PRKX: variants seen among roughly 807,000 people sequenced by gnomAD.
The protein encoded by PRKX is protein kinase cAMP-dependent X-linked catalytic subunit.
Under a neutral mutation model 22.0 loss-of-function variants are expected in PRKX, and 12 were observed. The ratio of observed to expected loss-of-function variants is 0.54; its 90% CI spans 0.35 to 0.88. The LOEUF (loss-of-function observed/expected upper bound fraction) is 0.88. Ranked by LOEUF, PRKX falls within the 40% of genes least tolerant of loss-of-function variation. PRKX has a pLI of 0.01. For synonymous variants in PRKX, 134 were observed against 137.7 expected (o/e 0.97, Z 0.19); for missense variants, 217 against 308.0 (o/e 0.70, Z 2.21).
At chrX:3,688,882 A>T (rs1275329904) in intron 1 of PRKX, among the ~76,000 whole-genome samples, 1 of 109,027 alleles carries the variant, frequency 9.2e-6, no homozygotes, top group African/African-American at 3.3e-5. Context: ...TAAAAAAAAA[A>T]AAAAAAAGTG....
At chrX:3,697,323 G>A (rs1397233567) in intron 1 of PRKX, among the ~76,000 whole-genome samples, 3 of 104,334 alleles carry the variant, frequency 2.9e-5, no homozygotes, top group Non-Finnish European at 4.0e-5. Context: ...CTATGATTAC[G>A]CCACTGCACT....
In PRKX at chrX:3,697,807, G is replaced by A. The variant is rs750770600; in HGVS notation, c.166+15281C>T. 3.3e-4 allele frequency among the ~76,000 whole-genome samples: 37 copies of A among 111,417 alleles called. No homozygotes were observed. The South Asian group carries it at 0.01, about 31-fold the overall frequency. On this transcript the variant is annotated intron_variant, in intron 1 of 8. Coordinates refer to ENST00000262848, the MANE Select transcript of PRKX (RefSeq NM_005044.5). ...CTCAAGCAGTCCTCCCGCCTCGGCC[G>A]CGCAAAATGCTGGGATGACAGGCAT...
At position 3,608,178 on chromosome X, in the gene PRKX, A is replaced by G. The variant is rs1349456103; in HGVS notation, c.*791T>C. 1.8e-5 allele frequency: 2 copies of G among 111,061 alleles called. No homozygotes were observed. Among genetic ancestry groups the G allele is most frequent in the Admixed American group, 1.9e-4 (2 of 10,337 alleles). The allele number at this position is 111,061 out of a possible 1,213,427, so 9.2% of individuals were successfully genotyped here. On this transcript the variant is annotated 3_prime_UTR_variant, in exon 9 of 9. Transcript: ENST00000262848. ...ACTATAGGAACAAGCCACTGCATCCAGCTCAGATGAAATTTTTGAATGTGT... is the reference window on the plus strand; with the variant it reads ...ACTATAGGAACAAGCCACTGCATCCGGCTCAGATGAAATTTTTGAATGTGT...
intron 6 of PRKX, among the ~76,000 whole-genome samples, chrX:3,617,625 G>T (rs1287152459): frequency 9.1e-6 from 1 of 110,370 alleles, no homozygotes; most frequent in Non-Finnish European, 1.9e-5. Context: ...CAGCCTGGAT[G>T]ACAGAGCAAG....
In PRKX at chrX:3,605,945, TAGA is replaced by T. The variant is rs991831826; in HGVS notation, c.*3021_*3023del. On this transcript the variant is annotated 3_prime_UTR_variant, in exon 9 of 9. Transcript: ENST00000262848. ...ATTTAGACTTCTGTTGCGAAGGAATTAGAAGAATTCAGTAGAGACAGTGTATAC... is the reference window on the plus strand; with the variant it reads ...ATTTAGACTTCTGTTGCGAAGGAATTAGAATTCAGTAGAGACAGTGTATAC... 3.6e-5 allele frequency: 4 copies of T among 112,408 alleles called. No homozygotes were observed. The highest frequency in any genetic ancestry group is 5.6e-5 in the Non-Finnish European group (3 of 53,314). The allele number at this position is 112,408 out of a possible 1,213,427, so 9.3% of individuals were successfully genotyped here. A position where few individuals can be genotyped will look rare whatever the true frequency, so the allele number is the denominator to read the frequency against.
Position 3,608,537 on chromosome X carries a change from T to G in PRKX, c.*432A>C, listed in dbSNP as rs1460434769. On this transcript the variant is annotated 3_prime_UTR_variant, in exon 9 of 9. Transcript: ENST00000262848. ...AACATTTACATCACTGCACAATTTCTGTGCATCTGCCATAATGACTTCTAT... is the reference window on the plus strand; with the variant it reads ...AACATTTACATCACTGCACAATTTCGGTGCATCTGCCATAATGACTTCTAT... The G allele has an allele frequency of 1.8e-5, 2 of 108,920 alleles. No individual in the cohort carries two copies. The highest frequency in any genetic ancestry group is 6.7e-5 in the African/African-American group (2 of 29,926). 9.0% of individuals were successfully genotyped at this position (108,920 alleles called of 1,213,427 possible).
rs143645133 is a variant in PRKX at position 3,677,503 on chromosome X, T to G, written c.167-2737A>C. 2.5e-3 allele frequency among the ~76,000 whole-genome samples: 276 copies of G among 109,033 alleles called. 2 individuals carry two copies. The highest frequency in any genetic ancestry group is 8.9e-3 in the African/African-American group (268 of 30,006). The allele number at this position is 109,033 out of a possible 115,157, so 94.7% of individuals were successfully genotyped here. A position where few individuals can be genotyped will look rare whatever the true frequency, so the allele number is the denominator to read the frequency against. On this transcript the variant is annotated intron_variant, in intron 1 of 8. Transcript: ENST00000262848. Reference sequence around the variant, plus strand: ...CACCAAGGGCGGATAATTTTTTAAATTGTGACTGGGTATTTTTGACTGGTT... The same window carrying G: ...CACCAAGGGCGGATAATTTTTTAAAGTGTGACTGGGTATTTTTGACTGGTT...
intron 1 of PRKX, among the ~76,000 whole-genome samples, chrX:3,710,118 TCTC>T (rs984359408): frequency 1.8e-5 from 2 of 110,093 alleles, no homozygotes; most frequent in African/African-American, 3.3e-5. Flanking sequence ...GCACAATTGT[TCTC>T]CATCATAGGA....
chrX:3,653,105 G>GC (rs112604814), intron 3 of PRKX, among the ~76,000 whole-genome samples: 148 of 111,381 alleles, frequency 1.3e-3, no homozygotes, highest in African/African-American at 4.6e-3. Flanking sequence ...GAATGTATGT[G>GC]CCCCCCGCCA....
rs745485596 is a variant in PRKX, at chrX:3,605,012, GACACACACACACACACACACACACAC to G, written c.*3931_*3956del. 36 of 84,556 alleles carry G rather than the reference GACACACACACACACACACACACACAC, an allele frequency of 4.3e-4. 1 individual carries two copies. Among genetic ancestry groups the G allele is most frequent in the South Asian group, 1.5e-3 (2 of 1,379 alleles). 7.0% of individuals were successfully genotyped at this position (84,556 alleles called of 1,213,427 possible). On this transcript the variant is annotated 3_prime_UTR_variant, in exon 9 of 9. Transcript: ENST00000262848. Reference sequence around the variant, plus strand: ...AAATACAGCCCCTCACCTTCACCAAGACACACACACACACACACACACACACACACACACACACACACACACACCCC... The same window carrying G: ...AAATACAGCCCCTCACCTTCACCAAGACACACACACACACACACACACCCC...
intron 4 of PRKX, among the ~76,000 whole-genome samples, chrX:3,637,765 T>C (rs1926923915): frequency 1.5e-5 from 1 of 64,597 alleles, no homozygotes; most frequent in East Asian, 5.4e-4. Context: ...TTTTCTTTCT[T>C]TTTTTTTTTT....
chrX:3,667,112 C>T lies in PRKX; in HGVS notation c.335+7486G>A, dbSNP rs192911251. On this transcript the variant is annotated intron_variant, in intron 2 of 8. Transcript: ENST00000262848. ...GAGACAAGGGAGGTTTCCAAGTCCC[C>T]TCCCCATCCTCTCCAGTGACCTCAG... Among the ~76,000 whole-genome samples, 8 of 111,137 alleles carry T rather than the reference C, an allele frequency of 7.2e-5. No individual in the cohort carries two copies. In the East Asian group the frequency reaches 1.4e-3, roughly 20 times the overall value.
chrX:3,665,748 G>A lies in PRKX; in HGVS notation c.335+8850C>T, dbSNP rs750093433. Among the ~76,000 whole-genome samples the A allele has an allele frequency of 1.6e-4, 18 of 110,887 alleles. No individual in the cohort carries two copies. In the South Asian group the frequency reaches 6.2e-3, roughly 38 times the overall value. ...TTACAGTAACTGAAAGAAGCCAGTC[G>A]CAAAAGGACAAATGCCGTATGATTC... On this transcript the variant is annotated intron_variant, in intron 2 of 8. Transcript: ENST00000262848.
intron 1 of PRKX, among the ~76,000 whole-genome samples, chrX:3,679,514 A>C (rs1928029400): frequency 1.8e-5 from 2 of 112,385 alleles, no homozygotes; most frequent in South Asian, 3.7e-4. Flanking sequence ...CTGAATACTC[A>C]AAGTGTCTTC....
At chrX:3,625,674 C>T (rs1295434443) in intron 5 of PRKX, among the ~76,000 whole-genome samples, 7 of 110,594 alleles carry the variant, frequency 6.3e-5, no homozygotes, top group African/African-American at 9.9e-5. Flanking sequence ...TGGGTTCAAG[C>T]GATTCCGCTG....
At chrX:3,689,770 G>A (rs774429836) in intron 1 of PRKX, among the ~76,000 whole-genome samples, 1 of 111,887 alleles carries the variant, frequency 8.9e-6, no homozygotes, top group African/African-American at 3.2e-5. Context: ...AAGGTCAGGA[G>A]ATCGAGACCA....
intron 2 of PRKX, among the ~76,000 whole-genome samples, chrX:3,673,101 G>A (rs146590225): frequency 1.9e-3 from 208 of 111,911 alleles, no homozygotes; most frequent in African/African-American, 6.5e-3. Context: ...GTCTAGAGGA[G>A]AAGGCAGGTG....
At chrX:3,638,196 G>A (rs1405882215) in intron 4 of PRKX, among the ~76,000 whole-genome samples, 1 of 110,770 alleles carries the variant, frequency 9.0e-6, no homozygotes, top group Non-Finnish European at 1.9e-5. Flanking sequence ...TATATAATTC[G>A]AATACAGTCA....
intron 3 of PRKX, among the ~76,000 whole-genome samples, chrX:3,654,209 A>C (rs1275685546): frequency 1.1e-5 from 1 of 94,838 alleles, no homozygotes; most frequent in Non-Finnish European, 2.0e-5. Context: ...TAGTATACCT[A>C]TATGATACTA....
Sources: gnomAD v4.1 joint callset for allele counts (sites outside exome capture counted in the v4.1 genomes callset) on GRCh38, gnomAD v4.1.1 for gene constraint, MANE v1.5 for transcripts, NCBI Gene and HGNC (gene_info 2026-07-23, HGNC 2026-07-21) for gene names.